Variants in MARCHF1 observed in about 807,000 individuals in gnomAD.
The protein encoded by MARCHF1 is membrane associated ring-CH-type finger 1, also known as E3 ubiquitin-protein ligase MARCHF1.
In MARCHF1, 40 loss-of-function variants were observed where a neutral mutation model predicts 54.2. The ratio of observed to expected loss-of-function variants is 0.74; its 90% CI spans 0.57 to 0.96. The LOEUF is 0.96. Among genes scored for constraint, MARCHF1 ranks in the 40% least tolerant of loss-of-function variants. The pLI is 0.00. For synonymous variants in MARCHF1, 236 were observed against 236.3 expected (o/e 1.00, Z 0.01); for missense variants, 586 against 656.5 (o/e 0.89, Z 1.17).
At chr4:163,972,158 T>C (rs1289422293) in intron 3 of MARCHF1, among the ~76,000 whole-genome samples, 1 of 151,428 alleles carries the variant, frequency 6.6e-6, no homozygotes, top group African/African-American at 2.4e-5. Context: ...TGAGAACACA[T>C]GGACACAGGG....
At chr4:163,948,583 C>G (rs1178283096) in intron 3 of MARCHF1, among the ~76,000 whole-genome samples, 1 of 152,014 alleles carries the variant, frequency 6.6e-6, no homozygotes, top group African/African-American at 2.4e-5. Flanking sequence ...TTCAGAAAAG[C>G]CTATATGTAG....
intron 2 of MARCHF1, among the ~76,000 whole-genome samples, chr4:164,094,197 G>A (rs1439569348): frequency 6.6e-6 from 1 of 152,096 alleles, no homozygotes; most frequent in Non-Finnish European, 1.5e-5. Context: ...TGTATGGTCA[G>A]AAAAAGAAGA....
chr4:163,870,529 T>C (rs1750146690), intron 3 of MARCHF1, among the ~76,000 whole-genome samples: 1 of 152,120 alleles, frequency 6.6e-6, no homozygotes, highest in Non-Finnish European at 1.5e-5. Context: ...GGAGTGCACA[T>C]TTCTTTCCTA....
chr4:164,244,783 C>G (rs1284697704), intron 1 of MARCHF1, among the ~76,000 whole-genome samples: 2 of 152,046 alleles, frequency 1.3e-5, no homozygotes, highest in Admixed American at 1.3e-4. Flanking sequence ...GATATCACCA[C>G]CAATCCCACA....
chr4:164,168,886 A>G (rs1730450918), intron 1 of MARCHF1, among the ~76,000 whole-genome samples: 1 of 152,114 alleles, frequency 6.6e-6, no homozygotes, highest in Non-Finnish European at 1.5e-5. Flanking sequence ...TGTACAAAGA[A>G]CTTAAATACA....
intron 2 of MARCHF1, among the ~76,000 whole-genome samples, chr4:164,020,889 C>T (rs1286020393): frequency 2.0e-5 from 3 of 152,168 alleles, no homozygotes; most frequent in East Asian, 3.9e-4. Context: ...TGTGATAGTG[C>T]TACTGCACTC....
chr4:163,882,903 C>T (rs985466383), intron 3 of MARCHF1, among the ~76,000 whole-genome samples: 2 of 152,046 alleles, frequency 1.3e-5, no homozygotes, highest in Admixed American at 6.6e-5. Flanking sequence ...CCTGAGCCCA[C>T]AAGGTCAAGG....
chr4:163,558,979 CTT>C (rs1374537371), intron 8 of MARCHF1, among the ~76,000 whole-genome samples: 2 of 152,138 alleles, frequency 1.3e-5, no homozygotes, highest in South Asian at 2.1e-4. Context: ...TTCCTCTCCT[CTT>C]ATTTATGAGG....
chr4:164,138,295 C>T (rs916384922), intron 1 of MARCHF1, among the ~76,000 whole-genome samples: 2 of 150,964 alleles, frequency 1.3e-5, no homozygotes, highest in Non-Finnish European at 2.9e-5. Context: ...CACTTCTAAG[C>T]CTGCGTCAGC....
At chr4:164,226,180 A>G (rs964214822) in intron 1 of MARCHF1, among the ~76,000 whole-genome samples, 3 of 151,982 alleles carry the variant, frequency 2.0e-5, no homozygotes, top group African/African-American at 7.2e-5. Flanking sequence ...AGCCCCACTA[A>G]CCCATTTACA....
chr4:163,766,451 C>T (rs1410621054), intron 4 of MARCHF1, among the ~76,000 whole-genome samples: 1 of 152,096 alleles, frequency 6.6e-6, no homozygotes, highest in Admixed American at 6.5e-5. Flanking sequence ...ATATAAGTGG[C>T]TGAATATGGC....
chr4:163,571,110 T>G (rs529981357), intron 8 of MARCHF1, among the ~76,000 whole-genome samples: 1 of 152,194 alleles, frequency 6.6e-6, no homozygotes, highest in South Asian at 2.1e-4. Flanking sequence ...ATTGTTCCCC[T>G]AATGGAACAG....
At chr4:163,709,990 T>G (rs938228746) in intron 4 of MARCHF1, among the ~76,000 whole-genome samples, 2 of 152,216 alleles carry the variant, frequency 1.3e-5, no homozygotes, top group African/African-American at 4.8e-5. Context: ...CCACATTTAT[T>G]ATTAAATTTT....
chr4:163,742,895 A>G (rs1410073578), intron 4 of MARCHF1, among the ~76,000 whole-genome samples: 2 of 152,208 alleles, frequency 1.3e-5, no homozygotes, highest in Non-Finnish European at 2.9e-5. Context: ...ATTAAAGAAT[A>G]TGTAGATGAG....
At chr4:163,732,157 T>C (rs1387742993) in intron 4 of MARCHF1, among the ~76,000 whole-genome samples, 1 of 151,412 alleles carries the variant, frequency 6.6e-6, no homozygotes, top group East Asian at 1.9e-4. Flanking sequence ...TATGATTAGT[T>C]ATTAATCATA....
In MARCHF1 at chr4:164,350,745, T is replaced by C. The variant is rs1230153839; in HGVS notation, c.-323+33125A>G. On this transcript the variant is annotated intron_variant, in intron 1 of 9. Transcript: ENST00000514618. ...TTAGGAGAAGCCAGTTCAATAGTAT[T>C]GTTGGGAGGAGGAGCCAAGATGGCC... is the stretch of plus-strand genomic sequence containing the variant. 3.3e-5 allele frequency among the ~76,000 whole-genome samples: 5 copies of C among 152,112 alleles called. No individual in the cohort carries two copies. The East Asian group carries it at 5.8e-4, about 18-fold the overall frequency.
chr4:164,298,392 G>T (rs1458083515), intron 1 of MARCHF1, among the ~76,000 whole-genome samples: 1 of 151,772 alleles, frequency 6.6e-6, no homozygotes, highest in African/African-American at 2.4e-5. Context: ...AAAAACCTAT[G>T]GTCTGAAATC....
intron 9 of MARCHF1, among the ~76,000 whole-genome samples, chr4:163,531,442 G>A (rs928816049): frequency 2.0e-5 from 3 of 151,618 alleles, no homozygotes; most frequent in Admixed American, 6.6e-5. Flanking sequence ...AACTAGGAAC[G>A]GAAGGGAATT....
intron 5 of MARCHF1, among the ~76,000 whole-genome samples, chr4:163,694,782 A>T (rs1744568788): frequency 1.3e-5 from 2 of 152,158 alleles, no homozygotes; most frequent in Non-Finnish European, 2.9e-5. Context: ...TTATATATAA[A>T]GTTATGAGGC....
Sources: allele counts gnomAD v4.1 joint callset (sites outside exome capture counted in the v4.1 genomes callset), GRCh38; gene constraint gnomAD v4.1.1; transcripts MANE v1.5; gene names NCBI Gene and HGNC (gene_info 2026-07-23, HGNC 2026-07-21).